INO80D: variants seen among roughly 807,000 people sequenced by gnomAD.
INO80D encodes the protein INO80 complex subunit D.
In INO80D, 21 loss-of-function variants were observed where a neutral mutation model predicts 87.6. The observed-to-expected ratio is 0.24, with a 90% CI of 0.17 to 0.35. The LOEUF (loss-of-function observed/expected upper bound fraction) is 0.35, where lower values mean the gene tolerates loss of function less well. Among genes scored for constraint, INO80D ranks in the 10% least tolerant of loss-of-function variants. The pLI, the probability that INO80D is intolerant of heterozygous loss-of-function variation, is 1.00. For synonymous variants in INO80D, 440 were observed against 491.0 expected, an observed-to-expected ratio of 0.90 and a Z score of 1.37; for missense variants, 982 against 1,280.7, an observed-to-expected ratio of 0.77 and a Z score of 3.56.
In INO80D at chr2:206,019,726, G is replaced by C; in HGVS notation, c.1408+10C>G. ...TTTTCAATGCACATTCCATTTAGTT[G>C]AAAGGATACGTTGGAAACAATGTCT... On this transcript the variant is annotated intron_variant, in intron 7 of 10. Transcript: ENST00000403263. 6.2e-7 allele frequency: 1 copy of C among 1,606,464 alleles called. No individual in the cohort carries two copies. The highest frequency in any genetic ancestry group is 8.5e-7 in the Non-Finnish European group (1 of 1,173,974).
rs1575784538 is a variant in INO80D, at chr2:206,001,257, G to A, written c.*3111C>T. The A allele has an allele frequency of 6.6e-6, 1 of 152,276 alleles. No individual in the cohort carries two copies. The highest frequency in any genetic ancestry group is 2.1e-4 in the South Asian group (1 of 4,824). 9.4% of individuals were successfully genotyped at this position (152,276 alleles called of 1,614,324 possible). The stretch of plus-strand genomic sequence containing the variant: ...TTTTCTTCAGATACTACTGATCATA[G>A]CCAGTGAATATCACACATTAGAATG... On this transcript the variant is annotated 3_prime_UTR_variant, in exon 11 of 11. Transcript: ENST00000403263.
At chr2:206,034,605 A>T (rs182863136) in intron 5 of INO80D, among the ~76,000 whole-genome samples, 78 of 152,078 alleles carry the variant, frequency 5.1e-4, no homozygotes, top group Middle Eastern at 3.4e-3. Context: ...AATATAATAA[A>T]AGCCATCTAT....
intron 8 of INO80D, among the ~76,000 whole-genome samples, chr2:206,016,912 T>C (rs1011814211): frequency 2.0e-5 from 3 of 152,306 alleles, no homozygotes; most frequent in East Asian, 3.9e-4. Context: ...CACATAGAAC[T>C]GTGAGTCCAA....
chr2:206,026,121 A>T (rs933830196), intron 6 of INO80D, among the ~76,000 whole-genome samples: 7 of 152,030 alleles, frequency 4.6e-5, no homozygotes, highest in Non-Finnish European at 1.0e-4. Flanking sequence ...CTAATCTCGA[A>T]TTCGTGACCT....
At chr2:206,054,576 C>A (rs1689463484) in intron 4 of INO80D, among the ~76,000 whole-genome samples, 1 of 151,852 alleles carries the variant, frequency 6.6e-6, no homozygotes, top group Non-Finnish European at 1.5e-5. Context: ...TGCAGTGGCA[C>A]AATCTCGGCT....
At chr2:206,050,152 T>C (rs1186324608) in intron 4 of INO80D, among the ~76,000 whole-genome samples, 1 of 150,932 alleles carries the variant, frequency 6.6e-6, no homozygotes, top group Non-Finnish European at 1.5e-5. Context: ...AAAAAAAAAT[T>C]TAAAAGGCTG....
intron 9 of INO80D, among the ~76,000 whole-genome samples, chr2:206,007,727 C>T (rs1490251921): frequency 6.6e-6 from 1 of 151,492 alleles, no homozygotes; most frequent in Non-Finnish European, 1.5e-5. Context: ...AAGGCTAAGG[C>T]ATGAGAATCA....
intron 8 of INO80D, among the ~76,000 whole-genome samples, chr2:206,015,908 A>G (rs1201911399): frequency 6.6e-6 from 1 of 152,136 alleles, no homozygotes; most frequent in African/African-American, 2.4e-5. Flanking sequence ...AATGTATAGA[A>G]ATGCCTGGAT....
intron 5 of INO80D, chr2:206,040,455 G>C (rs1384887346): frequency 4.8e-6 from 1 of 208,816 alleles, no homozygotes; most frequent in Non-Finnish European, 1.0e-5. Flanking sequence ...TGAAACCTGG[G>C]AAAGTGGTGC....
In INO80D at chr2:206,022,662, T is replaced by C. The variant is rs148913554; in HGVS notation, c.1299-2817A>G. 4.4e-3 allele frequency among the ~76,000 whole-genome samples: 671 copies of C among 152,286 alleles called. 1 individual carries two copies. The highest frequency in any genetic ancestry group is 7.2e-3 in the Non-Finnish European group (490 of 68,028). On this transcript the variant is annotated intron_variant, in intron 6 of 10. Coordinates refer to ENST00000403263, the MANE Select transcript of INO80D (RefSeq NM_017759.5). ...CTTATTCCACTTACTCATCAATAAA[T>C]ACGACAAAGTTATTTGATAGGAAAG... is the stretch of plus-strand genomic sequence containing the variant.
chr2:206,084,972 G>T (rs1481650696), intron 1 of INO80D, among the ~76,000 whole-genome samples: 1 of 152,192 alleles, frequency 6.6e-6, no homozygotes, highest in Non-Finnish European at 1.5e-5. Flanking sequence ...GGGGGAAGGG[G>T]CTGGAGTTAG....
intron 1 of INO80D, among the ~76,000 whole-genome samples, chr2:206,081,202 A>T (rs1009752820): frequency 7.2e-5 from 11 of 152,192 alleles, no homozygotes; most frequent in African/African-American, 2.4e-4. Flanking sequence ...CAAGCTTTTA[A>T]CCAATACAAA....
At chr2:206,059,113 G>T (rs911773398) in intron 3 of INO80D, among the ~76,000 whole-genome samples, 2 of 151,976 alleles carry the variant, frequency 1.3e-5, no homozygotes, top group Non-Finnish European at 2.9e-5. Flanking sequence ...GGGCAAAGTG[G>T]CTCATGCTTG....
At chr2:206,007,946 G>C (rs1334090112) in intron 9 of INO80D, 1 of 152,226 alleles carries the variant, frequency 6.6e-6, no homozygotes, top group African/African-American at 2.4e-5. Context: ...GGAAAGTAAG[G>C]AAGTAACCAC....
At chr2:206,025,542 A>AAAAAAAAAAAAAAAAAAAAAATAT (rs71301548) in intron 6 of INO80D, 5 of 76,938 alleles carry the variant, frequency 6.5e-5, no homozygotes, top group Admixed American at 2.0e-4. Flanking sequence ...AAAAAAAAAA[A>AAAAAAAAAAAAAAAAAAAAAATAT]ATATATATAT....
intron 8 of INO80D, among the ~76,000 whole-genome samples, chr2:206,016,513 T>C (rs747238287): frequency 1.7e-4 from 26 of 152,118 alleles, no homozygotes; most frequent in Non-Finnish European, 2.8e-4. Flanking sequence ...AACTTTTGAG[T>C]TAATGCTGAA....
rs368610892 is a variant in INO80D at position 206,077,334 on chromosome 2, T to C, written c.-124+8567A>G. ...CAGCCTGGGCGACACAGCGAGACTC[T>C]GTCTCAAAAAAAAAAAAACAAACTA... On this transcript the variant is annotated intron_variant, in intron 1 of 10. Transcript: ENST00000403263. 3.0e-4 allele frequency among the ~76,000 whole-genome samples: 45 copies of C among 150,136 alleles called. No homozygotes were observed. The East Asian group carries it at 6.9e-3, about 23-fold the overall frequency.
intron 1 of INO80D, among the ~76,000 whole-genome samples, chr2:206,073,053 G>C (rs1690017549): frequency 6.6e-6 from 1 of 151,952 alleles, no homozygotes; most frequent in Admixed American, 6.6e-5. Flanking sequence ...GCCCAGGCTG[G>C]TCTTGAACTC....
chr2:206,005,391 A>G lies in INO80D; in HGVS notation c.2061T>C (p.Asp687=). Residue 687 remains aspartate (D), a synonymous_variant, in exon 11 of 11, where the codon GAT becomes GAC. Coordinates refer to ENST00000403263, the MANE Select transcript of INO80D (RefSeq NM_017759.5). The part of the protein sequence containing the change: ...SDGVPVQELS[D]RGIGVFSTGT... ...CTGTGGAGAACACCCCTATTCCTCT[A>G]TCTGACAACTCCTGGACTGGCACAC... The G allele has an allele frequency of 1.2e-6, 2 of 1,613,946 alleles. No individual in the cohort carries two copies. Among genetic ancestry groups the G allele is most frequent in the Non-Finnish European group, 1.7e-6 (2 of 1,179,890 alleles).
Sources: gnomAD v4.1 joint callset for allele counts (sites outside exome capture counted in the v4.1 genomes callset) on GRCh38, gnomAD v4.1.1 for gene constraint, MANE v1.5 for transcripts, NCBI Gene and HGNC (gene_info 2026-07-23, HGNC 2026-07-21) for gene names.